STK39: variants seen among roughly 807,000 people sequenced by gnomAD.
The protein encoded by STK39 is serine/threonine kinase 39, also known as STE20/SPS1-related proline-alanine-rich protein kinase.
In STK39, 20 loss-of-function variants were observed where a neutral mutation model predicts 77.8. That is an observed-to-expected ratio of 0.26 (90% CI 0.18 to 0.37). STK39 has a LOEUF of 0.37. STK39 is among the 10% of genes least tolerant of loss of function. The pLI, the probability that STK39 is intolerant of heterozygous loss-of-function variation, is 1.00. For synonymous variants in STK39, 246 were observed against 234.1 expected (o/e 1.05, Z -0.47); for missense variants, 479 against 656.5 (o/e 0.73, Z 2.95).
At chr2:168,005,099 A>C (rs1463095079) in intron 16 of STK39, among the ~76,000 whole-genome samples, 2 of 140,236 alleles carry the variant, frequency 1.4e-5, no homozygotes, top group Admixed American at 7.9e-5. Flanking sequence ...TCTGCCTCCC[A>C]GGTTCAAGCA....
Position 168,135,989 on chromosome 2 carries a change from T to TG in STK39, c.974+2098_974+2099insC, listed in dbSNP as rs200900063. On this transcript the variant is annotated intron_variant, in intron 8 of 17. Transcript: ENST00000355999. ...GTTATATGACGCTCTTCTAAAGGAT[T>TG]TTTTTTTTTTTTGGTGGAATAGAAG... is the stretch of plus-strand genomic sequence containing the variant. Among the ~76,000 whole-genome samples, 1,254 of 145,472 alleles carry TG rather than the reference T, an allele frequency of 8.6e-3. 12 individuals are homozygous for TG. The highest frequency in any genetic ancestry group is 0.032 in the African/African-American group (1,185 of 36,940).
In STK39 at chr2:168,075,133, C is replaced by T. The variant is rs757311160; in HGVS notation, c.1188G>A (p.Gly396=). Residue 396 remains glycine, a synonymous_variant, in exon 11 of 18, where the codon GGG becomes GGA. Coordinates refer to ENST00000355999, the MANE Select transcript of STK39 (RefSeq NM_013233.3). ...CCTTTTCCTGAGAAAAAGCTGCTTT[C>T]CCTTCTTCGCTCTTCTCATCCATCT... ...DDEMDEKSEE[G]KAAFSQEKSR... 1 of 1,614,192 alleles carries T rather than the reference C, an allele frequency of 6.2e-7. No homozygotes were observed. The highest frequency in any genetic ancestry group is 8.5e-7 in the Non-Finnish European group (1 of 1,180,034).
At chr2:168,080,292 CAGCATAAA>C (rs1686194035) in intron 10 of STK39, among the ~76,000 whole-genome samples, 1 of 152,108 alleles carries the variant, frequency 6.6e-6, no homozygotes, top group Non-Finnish European at 1.5e-5. Flanking sequence ...AAAAGGGAAA[CAGCATAAA>C]AGTTTGGAAA....
chr2:168,053,017 T>C (rs1032311763), intron 14 of STK39, among the ~76,000 whole-genome samples: 4 of 152,226 alleles, frequency 2.6e-5, no homozygotes, highest in African/African-American at 9.6e-5. Context: ...GCTTTGATAC[T>C]GGGCTTACTC....
At chr2:168,117,610 G>A (rs1384266420) in intron 10 of STK39, among the ~76,000 whole-genome samples, 2 of 152,196 alleles carry the variant, frequency 1.3e-5, no homozygotes, top group African/African-American at 4.8e-5. Flanking sequence ...GGTAGTATCA[G>A]AAAGCTTCAC....
chr2:168,180,748 C>A (rs184362392), intron 2 of STK39, among the ~76,000 whole-genome samples: 1 of 152,082 alleles, frequency 6.6e-6, no homozygotes, highest in Non-Finnish European at 1.5e-5. Context: ...TCAGTAAGAG[C>A]AAAGCACAGC....
chr2:167,972,244 G>A (rs914729986), intron 16 of STK39, among the ~76,000 whole-genome samples: 1 of 152,202 alleles, frequency 6.6e-6, no homozygotes, highest in Non-Finnish European at 1.5e-5. Context: ...AAAAGTCACT[G>A]TTTATCTCTC....
At chr2:168,015,836 G>A (rs1047289766) in intron 15 of STK39, among the ~76,000 whole-genome samples, 1 of 152,096 alleles carries the variant, frequency 6.6e-6, no homozygotes, top group Non-Finnish European at 1.5e-5. Context: ...GACAACACTA[G>A]CTGGTGCTGT....
Position 168,006,983 on chromosome 2 carries a change from G to C in STK39, c.1498+5651C>G, listed in dbSNP as rs536341436. On this transcript the variant is annotated intron_variant, in intron 16 of 17. Transcript: ENST00000355999. ...TGAAGACTTTTTGTAACCTGTGTTT[G>C]CCATATTCTAGTAAAACTGATAACA... Among the ~76,000 whole-genome samples, 3 of 152,300 alleles carry C rather than the reference G, an allele frequency of 2.0e-5. No individual in the cohort carries two copies. The South Asian group carries it at 6.2e-4, about 32-fold the overall frequency.
At position 168,110,597 on chromosome 2, in the gene STK39, G is replaced by C. The variant is rs181931875; in HGVS notation, c.1089+18944C>G. ...CTCGGAACTATTACTTAACAGAATA[G>C]TTCCTTCTTTTTTCCACACAGATCT... On this transcript the variant is annotated intron_variant, in intron 10 of 17. Transcript: ENST00000355999. Among the ~76,000 whole-genome samples the C allele has an allele frequency of 2.6e-5, 4 of 152,176 alleles. No homozygotes were observed. In the East Asian group the frequency reaches 7.7e-4, roughly 29 times the overall value.
chr2:168,065,676 A>C (rs958134471), intron 12 of STK39, among the ~76,000 whole-genome samples: 5 of 152,178 alleles, frequency 3.3e-5, no homozygotes, highest in African/African-American at 1.2e-4. Flanking sequence ...ACTAAGCTAA[A>C]GTGAAAAGGC....
rs764085860 is a variant in STK39, at chr2:168,210,030, AAAGGAAGGAAGGAAGG to A, written c.209-27956_209-27941del. 5.5e-4 allele frequency among the ~76,000 whole-genome samples: 61 copies of A among 110,102 alleles called. 1 individual carries two copies. The highest frequency in any genetic ancestry group is 3.5e-3 in the South Asian group (11 of 3,172). The allele number at this position is 110,102 out of a possible 152,430, so 72.2% of individuals were successfully genotyped here. A position where few individuals can be genotyped will look rare whatever the true frequency, so the allele number is the denominator to read the frequency against. Reference sequence around the variant, plus strand: ...AAAAAAAATAGGAAAGAAAGGAAAGAAAGGAAGGAAGGAAGGAAGGAAGGAAGGAAGGAAGGAAGGA... The same window carrying A: ...AAAAAAAATAGGAAAGAAAGGAAAGAAAGGAAGGAAGGAAGGAAGGAAGGA... On this transcript the variant is annotated intron_variant, in intron 1 of 17. Transcript: ENST00000355999.
intron 16 of STK39, among the ~76,000 whole-genome samples, chr2:167,990,983 G>C (rs1683686868): frequency 6.6e-6 from 1 of 152,172 alleles, no homozygotes; most frequent in African/African-American, 2.4e-5. Flanking sequence ...TAGGAACCTG[G>C]ACTTCAATGG....
At chr2:168,161,866 T>C (rs927999434) in intron 4 of STK39, 24 bp from the exon 5 acceptor site, 2 of 1,582,108 alleles carry the variant, frequency 1.3e-6, no homozygotes, top group East Asian at 2.3e-5. Context: ...AAATAGAAAA[T>C]AAATTGTAGG....
intron 1 of STK39, among the ~76,000 whole-genome samples, chr2:168,208,848 C>A (rs1689810258): frequency 2.0e-5 from 3 of 152,198 alleles, no homozygotes; most frequent in Admixed American, 2.0e-4. Flanking sequence ...AGCCACAAGA[C>A]TGAAGCTGAC....
At chr2:168,223,266 T>C (rs182134764) in intron 1 of STK39, among the ~76,000 whole-genome samples, 1 of 152,004 alleles carries the variant, frequency 6.6e-6, no homozygotes, top group African/African-American at 2.4e-5. Context: ...TCTCAGCACT[T>C]TGGGAGGCTG....
At chr2:168,021,425 A>C (rs1056340741) in intron 14 of STK39, among the ~76,000 whole-genome samples, 3 of 152,188 alleles carry the variant, frequency 2.0e-5, no homozygotes, top group African/African-American at 7.2e-5. Context: ...TAGTTGGAAA[A>C]ATGCCTAATT....
rs1286126002 is a variant in STK39, at chr2:168,229,451, C to CA, written c.208+17776dup. ...TTCCTTCTATTATTTCTAAACAAAA[C>CA]AAAAAAAACTAAAACAAGAACTAAA... On this transcript the variant is annotated intron_variant, in intron 1 of 17. Transcript: ENST00000355999. Among the ~76,000 whole-genome samples, 25 of 148,894 alleles carry CA rather than the reference C, an allele frequency of 1.7e-4. 1 individual carries two copies. In the East Asian group the frequency reaches 1.8e-3, roughly 11 times the overall value.
intron 10 of STK39, among the ~76,000 whole-genome samples, chr2:168,076,525 A>C (rs1686082363): frequency 6.6e-6 from 1 of 152,196 alleles, no homozygotes; most frequent in Non-Finnish European, 1.5e-5. Context: ...GTCATAAAAA[A>C]TGCATGCTAG....
Sources: gnomAD v4.1 joint callset for allele counts (sites outside exome capture counted in the v4.1 genomes callset) on GRCh38, gnomAD v4.1.1 for gene constraint, MANE v1.5 for transcripts, NCBI Gene and HGNC (gene_info 2026-07-23, HGNC 2026-07-21) for gene names.